COL25A1: variants seen among roughly 807,000 people sequenced by gnomAD.
The protein encoded by COL25A1 is collagen alpha-1(XXV) chain.
Under a neutral mutation model 128.4 loss-of-function variants are expected in COL25A1, and 103 were observed. That is an observed-to-expected ratio of 0.80 (90% CI 0.68 to 0.94). COL25A1 has a LOEUF of 0.94. Ranked by LOEUF, COL25A1 falls within the 40% of genes least tolerant of loss-of-function variation. COL25A1 has a pLI of 0.00. For synonymous variants in COL25A1, 279 were observed against 277.2 expected (o/e 1.01, Z -0.06); for missense variants, 745 against 840.0 (o/e 0.89, Z 1.40).
rs116854759 is a variant in COL25A1 at position 109,298,541 on chromosome 4, C to T, written c.367+2042G>A. Among the ~76,000 whole-genome samples, 649 of 152,264 alleles carry T rather than the reference C, an allele frequency of 4.3e-3. 32 individuals carry two copies. In the East Asian group the frequency reaches 0.11, roughly 26 times the overall value. On this transcript the variant is annotated intron_variant, in intron 3 of 37. Transcript: ENST00000399132. ...TAGTCACTGCAAACCAGGGCTAGAG[C>T]CAAACCAGGTGGAAGTGCTGAATCT...
intron 13 of COL25A1, among the ~76,000 whole-genome samples, chr4:108,910,763 T>G (rs1256683922): frequency 6.6e-6 from 1 of 152,178 alleles, no homozygotes; most frequent in Admixed American, 6.6e-5. Context: ...TTTCATAGAA[T>G]TGCTATAAGG....
chr4:109,236,757 T>C (rs1779504526), intron 3 of COL25A1, among the ~76,000 whole-genome samples: 1 of 152,106 alleles, frequency 6.6e-6, no homozygotes, highest in Admixed American at 6.6e-5. Flanking sequence ...ATGCAATCTT[T>C]CTCTCCAATG....
intron 5 of COL25A1, among the ~76,000 whole-genome samples, chr4:109,041,699 G>A (rs1759912199): frequency 1.3e-5 from 2 of 152,084 alleles, no homozygotes; most frequent in Admixed American, 1.3e-4. Context: ...AATGTGGTCA[G>A]AAGAGATATA....
chr4:109,142,571 A>C (rs1770517933), intron 3 of COL25A1, among the ~76,000 whole-genome samples: 1 of 150,692 alleles, frequency 6.6e-6, no homozygotes. Flanking sequence ...GTCTCTAAGA[A>C]CTTACTTTAT....
chr4:108,892,386 G>A (rs993001078), intron 16 of COL25A1, among the ~76,000 whole-genome samples: 3 of 152,174 alleles, frequency 2.0e-5, no homozygotes, highest in African/African-American at 7.2e-5. Context: ...ATAATTATAT[G>A]TGTGTGTTAA....
At chr4:109,284,018 T>A (rs1723629956) in intron 3 of COL25A1, among the ~76,000 whole-genome samples, 1 of 152,252 alleles carries the variant, frequency 6.6e-6, no homozygotes, top group South Asian at 2.1e-4. Flanking sequence ...GTCTGGAGAT[T>A]CACAAGGCAC....
chr4:109,163,345 A>T (rs1349796758), intron 3 of COL25A1, among the ~76,000 whole-genome samples: 3 of 152,244 alleles, frequency 2.0e-5, no homozygotes, highest in African/African-American at 7.2e-5. Flanking sequence ...TTGCCAGTTC[A>T]TCTGCCCAAA....
chr4:108,984,442 C>A (rs186858660), intron 6 of COL25A1, among the ~76,000 whole-genome samples: 11 of 151,914 alleles, frequency 7.2e-5, no homozygotes, highest in African/African-American at 1.9e-4. Flanking sequence ...AGAGCGGGGG[C>A]GGCGCTCATT....
chr4:109,163,776 C>G (rs1214671135), intron 3 of COL25A1, among the ~76,000 whole-genome samples: 3 of 152,198 alleles, frequency 2.0e-5, no homozygotes, highest in African/African-American at 7.2e-5. Flanking sequence ...CTCTGCTCAT[C>G]AAATCCTGCT....
intron 19 of COL25A1, among the ~76,000 whole-genome samples, chr4:108,878,014 A>C (rs1474942014): frequency 2.0e-5 from 3 of 152,176 alleles, no homozygotes; most frequent in Non-Finnish European, 4.4e-5. Flanking sequence ...TGGGATTACT[A>C]GTCAATGTAA....
intron 11 of COL25A1, among the ~76,000 whole-genome samples, chr4:108,936,162 T>G (rs1284254838): frequency 2.0e-5 from 3 of 152,246 alleles, no homozygotes; most frequent in Non-Finnish European, 4.4e-5. Flanking sequence ...GAGCTAATGC[T>G]GCACTTGTAT....
chr4:108,897,472 G>T (rs936961049), intron 15 of COL25A1, among the ~76,000 whole-genome samples: 1 of 152,182 alleles, frequency 6.6e-6, no homozygotes, highest in Non-Finnish European at 1.5e-5. Flanking sequence ...ATGTGGAAAT[G>T]TTATGGACTT....
intron 3 of COL25A1, among the ~76,000 whole-genome samples, chr4:109,267,932 T>C (rs1227940167): frequency 6.6e-6 from 1 of 152,190 alleles, no homozygotes; most frequent in Non-Finnish European, 1.5e-5. Flanking sequence ...TGTCTTTCCT[T>C]AGTCATGACA....
At chr4:109,216,035 C>T (rs555481508) in intron 3 of COL25A1, among the ~76,000 whole-genome samples, 36 of 152,168 alleles carry the variant, frequency 2.4e-4, no homozygotes, top group African/African-American at 8.2e-4. Context: ...CATGCCATCC[C>T]CCTCTGCCCC....
At chr4:109,132,477 G>A (rs1277935140) in intron 3 of COL25A1, among the ~76,000 whole-genome samples, 2 of 151,998 alleles carry the variant, frequency 1.3e-5, no homozygotes, top group Non-Finnish European at 2.9e-5. Flanking sequence ...CAATATATAA[G>A]AGAATTTTAA....
chr4:108,913,748 CA>C (rs1309205099), intron 13 of COL25A1, among the ~76,000 whole-genome samples: 1 of 152,108 alleles, frequency 6.6e-6, no homozygotes. Flanking sequence ...AGTATATAAA[CA>C]AAAATTGTAG....
Position 108,840,242 on chromosome 4 carries a change from CAAA to C in COL25A1, c.1656+1450_1656+1452del, listed in dbSNP as rs34039825. On this transcript the variant is annotated intron_variant, in intron 31 of 37. Transcript: ENST00000399132. ...GGGAAACAAGAGCGAAACGCCATCT[CAAA>C]AAAAAAAAAAAAAAAAATCCATGAG... Among the ~76,000 whole-genome samples, 304 of 95,324 alleles carry C rather than the reference CAAA, an allele frequency of 3.2e-3. 1 individual carries two copies. Among genetic ancestry groups the C allele is most frequent in the African/African-American group, 0.012 (288 of 23,440 alleles). 62.5% of individuals were successfully genotyped at this position (95,324 alleles called of 152,430 possible). A position where few individuals can be genotyped will look rare whatever the true frequency, so the allele number is the denominator to read the frequency against.
intron 3 of COL25A1, among the ~76,000 whole-genome samples, chr4:109,057,385 A>AGC: frequency 7.6e-6 from 1 of 131,884 alleles, no homozygotes; most frequent in East Asian, 2.5e-4. Flanking sequence ...CTCCTACCTT[A>AGC]GCCTCACGAG....
intron 31 of COL25A1, among the ~76,000 whole-genome samples, chr4:108,834,660 T>C (rs1255875669): frequency 1.3e-5 from 2 of 152,206 alleles, no homozygotes; most frequent in Admixed American, 1.3e-4. Flanking sequence ...TAAACTGGGC[T>C]ACAAAGTAGT....
Sources: allele counts gnomAD v4.1 joint callset (sites outside exome capture counted in the v4.1 genomes callset), GRCh38; gene constraint gnomAD v4.1.1; transcripts MANE v1.5; gene names NCBI Gene and HGNC (gene_info 2026-07-23, HGNC 2026-07-21).